MAP3K15: variants seen among roughly 807,000 people sequenced by gnomAD.
MAP3K15 encodes mitogen-activated protein kinase kinase kinase 15, also known as MAPK/ERK kinase kinase 15.
A neutral mutation model predicts 99.5 loss-of-function variants in MAP3K15; 124 were observed. That is an observed-to-expected ratio of 1.25 (90% CI 1.08 to 1.45). MAP3K15 has a LOEUF of 1.45. MAP3K15 is among the 40% of genes most tolerant of loss of function. MAP3K15 has a pLI of 0.00. For synonymous variants in MAP3K15, 494 were observed against 439.6 expected, an observed-to-expected ratio of 1.12 and a Z score of -1.55; for missense variants, 1,242 against 1,079.7, an observed-to-expected ratio of 1.15 and a Z score of -2.11.
intron 1 of MAP3K15, among the ~76,000 whole-genome samples, chrX:19,507,295 G>C (rs2064483731): frequency 9.0e-6 from 1 of 110,941 alleles, no homozygotes; most frequent in Admixed American, 9.7e-5. Context: ...CAAAACATTT[G>C]AGAAAGTATG....
intron 19 of MAP3K15, among the ~76,000 whole-genome samples, chrX:19,379,722 G>A (rs937161877): frequency 3.5e-4 from 39 of 111,141 alleles, no homozygotes; most frequent in Non-Finnish European, 6.0e-4. Context: ...GATTACAGGC[G>A]TGAGCCACCG....
chrX:19,376,401 G>A (rs757634467), intron 19 of MAP3K15, among the ~76,000 whole-genome samples: 4 of 109,863 alleles, frequency 3.6e-5, no homozygotes, highest in African/African-American at 1.3e-4. Context: ...CATTCCCCTG[G>A]GAATCGTACT....
chrX:19,381,357 G>A (rs1309188417), intron 18 of MAP3K15, among the ~76,000 whole-genome samples: 4 of 111,983 alleles, frequency 3.6e-5, no homozygotes, highest in Non-Finnish European at 5.7e-5. Context: ...AGAGCAGCCC[G>A]GAGAGGGCTT....
intron 1 of MAP3K15, among the ~76,000 whole-genome samples, chrX:19,505,528 C>T (rs971453059): frequency 4.5e-5 from 5 of 111,028 alleles, no homozygotes; most frequent in Non-Finnish European, 9.4e-5. Context: ...CAAGTGCCAC[C>T]ATCATCGTCT....
intron 20 of MAP3K15, 125 bp downstream of exon 20, chrX:19,374,352 T>C: frequency 1.6e-6 from 1 of 619,376 alleles, no homozygotes; most frequent in Non-Finnish European, 2.5e-6. Context: ...TTCACAAAAA[T>C]GGGAATGACG....
rs150502510 is a variant in MAP3K15, at chrX:19,373,677, A to C, written c.2792T>G (p.Val931Gly). Residue 931 changes from valine to glycine, a missense_variant, in exon 21 of 29, where the codon GTC becomes GGC. Val to Gly is a moderately radical substitution (Grantham distance 109). Coordinates refer to ENST00000338883, the MANE Select transcript of MAP3K15 (RefSeq NM_001001671.4). Reference protein sequence around the residue: ...FKPSEGPRGVVLALPTQGEPM... With the variant: ...FKPSEGPRGVGLALPTQGEPM... ...CTCTCCCTGTGTGGGCAGGGCCAGGACGACACCGCGGGGACCTTCTGTAGG... is the reference window on the plus strand; with the variant it reads ...CTCTCCCTGTGTGGGCAGGGCCAGGCCGACACCGCGGGGACCTTCTGTAGG... The C allele has an allele frequency of 1.7e-6, 2 of 1,198,284 alleles. No individual in the cohort carries two copies. The highest frequency in any genetic ancestry group is 3.5e-5 in the African/African-American group (2 of 56,937).
In MAP3K15 at chrX:19,514,931, T is replaced by TCTCCCCGAAGTCCAG. The variant is rs772251942; in HGVS notation, c.316_330dup (p.Leu106_Glu110dup). On this transcript the variant is annotated inframe_insertion, in exon 1 of 29. Transcript: ENST00000338883. Reference sequence around the variant, plus strand: ...TCGTAGAAGGCGTCGAGCACGGCCGTCTCCCCGAAGTCCAGCTCCCCGAAG... The same window carrying TCTCCCCGAAGTCCAG: ...TCGTAGAAGGCGTCGAGCACGGCCGTCTCCCCGAAGTCCAGCTCCCCGAAGTCCAGCTCCCCGAAG... 50 of 1,138,377 alleles carry TCTCCCCGAAGTCCAG rather than the reference T, an allele frequency of 4.4e-5. No homozygotes were observed. In the Middle Eastern group the frequency reaches 9.0e-4, roughly 21 times the overall value. The allele number at this position is 1,138,377 out of a possible 1,213,427, so 93.8% of individuals were successfully genotyped here.
At chrX:19,373,148 A>G in intron 21 of MAP3K15, 2 of 170,424 alleles carry the variant, frequency 1.2e-5, no homozygotes. Flanking sequence ...GGAGGAAGAG[A>G]GAGGAAGGAA....
At chrX:19,394,780 G>C (rs975485512) in intron 16 of MAP3K15, among the ~76,000 whole-genome samples, 2 of 76,282 alleles carry the variant, frequency 2.6e-5, no homozygotes, top group Non-Finnish European at 4.6e-5. Flanking sequence ...ACATCTAAAG[G>C]GTCTGTTGCT....
At chrX:19,460,644 G>A in intron 4 of MAP3K15, among the ~76,000 whole-genome samples, 1 of 111,802 alleles carries the variant, frequency 8.9e-6, no homozygotes, top group Non-Finnish European at 1.9e-5. Flanking sequence ...GGAAACTGGT[G>A]TTGAGTCCCT....
intron 13 of MAP3K15, among the ~76,000 whole-genome samples, chrX:19,402,308 A>G (rs1172239475): frequency 9.1e-6 from 1 of 110,367 alleles, no homozygotes; most frequent in African/African-American, 3.3e-5. Context: ...GAAAAAAAAT[A>G]AAAGATGATA....
rs1318127479 is a variant in MAP3K15 at position 19,474,546 on chromosome X, G to GC, written c.526-10141_526-10140insG. Among the ~76,000 whole-genome samples the GC allele has an allele frequency of 2.6e-4, 25 of 97,206 alleles. 1 individual carries two copies. Among genetic ancestry groups the GC allele is most frequent in the South Asian group, 5.8e-4 (1 of 1,735 alleles). The allele number at this position is 97,206 out of a possible 115,157, so 84.4% of individuals were successfully genotyped here. A position where few individuals can be genotyped will look rare whatever the true frequency, so the allele number is the denominator to read the frequency against. Reference sequence around the variant, plus strand: ...AGATCCAGTCATTCTTGGAGGTTGGGGGGGGGGGTCTGTGAACTTGAAAGA... The same window carrying GC: ...AGATCCAGTCATTCTTGGAGGTTGGGCGGGGGGGGTCTGTGAACTTGAAAGA... On this transcript the variant is annotated intron_variant, in intron 3 of 28. Transcript: ENST00000338883.
At chrX:19,398,764 T>C (rs1205449213) in intron 14 of MAP3K15, among the ~76,000 whole-genome samples, 2 of 111,936 alleles carry the variant, frequency 1.8e-5, no homozygotes, top group Non-Finnish European at 3.8e-5. Context: ...CAGAAAGGAA[T>C]TGAAGGTCAA....
chrX:19,394,117 T>A (rs1353217094), intron 16 of MAP3K15, among the ~76,000 whole-genome samples: 2 of 111,243 alleles, frequency 1.8e-5, no homozygotes, highest in African/African-American at 6.5e-5. Context: ...CTTCCTGTAA[T>A]AGCAGACTCT....
intron 2 of MAP3K15, 62 bp downstream of exon 2, chrX:19,488,766 G>C: frequency 9.1e-7 from 1 of 1,096,171 alleles, no homozygotes; most frequent in Non-Finnish European, 1.2e-6. Context: ...TGGCATTTCA[G>C]CTAGACATAT....
chrX:19,514,800 G>C, intron 1 of MAP3K15, 101 bp downstream of exon 1: 2 of 170,470 alleles, frequency 1.2e-5, no homozygotes, highest in Non-Finnish European at 2.0e-5. Flanking sequence ...GGGGACGAGG[G>C]GGAGGGGGAC....
In MAP3K15 at chrX:19,400,239, A is replaced by G. The variant is rs375340733; in HGVS notation, c.1932+337T>C. 2.2e-4 allele frequency among the ~76,000 whole-genome samples: 25 copies of G among 112,495 alleles called. No homozygotes were observed. In the East Asian group the frequency reaches 2.5e-3, roughly 11 times the overall value. On this transcript the variant is annotated intron_variant, in intron 14 of 28. Coordinates refer to ENST00000338883, the MANE Select transcript of MAP3K15 (RefSeq NM_001001671.4). ...AGCTATAACTAAAGTCATTTTAAGC[A>G]TAAAACGTCTGCTCTCAGTTGGCCA...
At chrX:19,380,056 G>A (rs2063447573) in intron 19 of MAP3K15, 64 bp downstream of exon 19, 1 of 1,073,358 alleles carries the variant, frequency 9.3e-7, no homozygotes, top group South Asian at 2.3e-5. Context: ...TGGATTGGGA[G>A]GAGACTTTGT....
At chrX:19,511,722 A>C (rs2064520133) in intron 1 of MAP3K15, among the ~76,000 whole-genome samples, 2 of 112,091 alleles carry the variant, frequency 1.8e-5, no homozygotes, top group South Asian at 7.4e-4. Context: ...TGTTGGTGGG[A>C]GTGTGAATTA....
Sources: gnomAD v4.1 joint callset for allele counts (sites outside exome capture counted in the v4.1 genomes callset) on GRCh38, gnomAD v4.1.1 for gene constraint, MANE v1.5 for transcripts, NCBI Gene and HGNC (gene_info 2026-07-23, HGNC 2026-07-21) for gene names.